The following CNTNAP4 variants were observed in gnomAD, a reference collection of about 807,000 sequenced individuals.
CNTNAP4 encodes the protein contactin-associated protein-like 4.
Under a neutral mutation model 148.4 loss-of-function variants are expected in CNTNAP4, and 98 were observed. The observed-to-expected ratio is 0.66, with a 90% CI of 0.56 to 0.78. The LOEUF is 0.78. Ranked by LOEUF, CNTNAP4 falls within the 30% of genes least tolerant of loss-of-function variation. The pLI, the probability that CNTNAP4 is intolerant of heterozygous loss-of-function variation, is 0.00. For synonymous variants in CNTNAP4, 730 were observed against 565.1 expected, an observed-to-expected ratio of 1.29 and a Z score of -4.14; for missense variants, 1,935 against 1,565.6, an observed-to-expected ratio of 1.24 and a Z score of -3.98.
At chr16:76,512,769 A>G (rs1373213549) in intron 15 of CNTNAP4, among the ~76,000 whole-genome samples, 1 of 152,176 alleles carries the variant, frequency 6.6e-6, no homozygotes, top group Non-Finnish European at 1.5e-5. Context: ...AGAGGAAGCA[A>G]GAAAGAAGAC....
chr16:76,402,367 T>A (rs896392009), intron 3 of CNTNAP4, among the ~76,000 whole-genome samples: 1 of 152,068 alleles, frequency 6.6e-6, no homozygotes, highest in Non-Finnish European at 1.5e-5. Flanking sequence ...TGGTGTTTTT[T>A]TTTTCTGTGA....
chr16:76,277,688 T>G lies in CNTNAP4; in HGVS notation c.26T>G (p.Leu9Arg). The change falls in exon 1 of 24, where the codon CTC becomes CGC. Residue 9 changes from leucine (L) to arginine (R), a missense_variant. Transcript: ENST00000611870. MGSVTGAV[L>R]KTLLLLSTQN... ...ATGGGATCTGTCACGGGAGCTGTCC[T>G]CAAGACGCTACTTCTGTTATCTACT... 6.2e-7 allele frequency: 1 copy of G among 1,606,068 alleles called. No homozygotes were observed. Among genetic ancestry groups the G allele is most frequent in the Non-Finnish European group, 8.5e-7 (1 of 1,175,970 alleles).
intron 10 of CNTNAP4, among the ~76,000 whole-genome samples, chr16:76,467,994 C>T (rs2081237252): frequency 1.3e-5 from 2 of 152,056 alleles, no homozygotes; most frequent in African/African-American, 4.8e-5. Flanking sequence ...CCTAATGTGC[C>T]TTTTTAACAA....
intron 15 of CNTNAP4, among the ~76,000 whole-genome samples, chr16:76,500,146 G>GC (rs920605252): frequency 4.6e-5 from 7 of 152,004 alleles, no homozygotes; most frequent in Admixed American, 2.0e-4. Context: ...GGGCAGAGGT[G>GC]CCCCCCACCT....
At chr16:76,313,387 C>T (rs1051814613) in intron 1 of CNTNAP4, among the ~76,000 whole-genome samples, 3 of 152,116 alleles carry the variant, frequency 2.0e-5, no homozygotes, top group South Asian at 4.1e-4. Context: ...CCCACATGTG[C>T]GCCCTCCTTC....
intron 2 of CNTNAP4, among the ~76,000 whole-genome samples, chr16:76,328,297 C>T (rs13333703): frequency 0.28 from 41,889 of 151,936 alleles, 6,456 homozygotes; most frequent in Non-Finnish European, 0.35. Context: ...TGTGGTCCTG[C>T]TCTCAAAAAC....
intron 3 of CNTNAP4, among the ~76,000 whole-genome samples, chr16:76,393,814 C>T (rs954559766): frequency 2.0e-5 from 3 of 152,122 alleles, no homozygotes; most frequent in Non-Finnish European, 1.5e-5. Context: ...TAGAGGTCCT[C>T]GATGTCTCTT....
intron 8 of CNTNAP4, among the ~76,000 whole-genome samples, chr16:76,453,221 T>C (rs1161083353): frequency 6.6e-6 from 1 of 152,212 alleles, no homozygotes; most frequent in Non-Finnish European, 1.5e-5. Flanking sequence ...TGTATGAGTG[T>C]ACAGTGTGAA....
chr16:76,380,766 T>A (rs2144695702), intron 3 of CNTNAP4, among the ~76,000 whole-genome samples: 1 of 152,272 alleles, frequency 6.6e-6, no homozygotes, highest in East Asian at 1.9e-4. Context: ...CATAAATATT[T>A]AAAGGTTGTG....
At chr16:76,342,724 G>A (rs545521702) in intron 2 of CNTNAP4, among the ~76,000 whole-genome samples, 7 of 151,962 alleles carry the variant, frequency 4.6e-5, no homozygotes, top group South Asian at 2.1e-4. Context: ...TGCCCACCTC[G>A]GCATAAATTG....
intron 1 of CNTNAP4, among the ~76,000 whole-genome samples, chr16:76,288,812 G>GAGA (rs1192193112): frequency 6.6e-6 from 1 of 152,152 alleles, no homozygotes; most frequent in East Asian, 1.9e-4. Flanking sequence ...ACCAAAAACA[G>GAGA]AGAAGATGAA....
intron 12 of CNTNAP4, among the ~76,000 whole-genome samples, chr16:76,485,771 G>GATA (rs905674024): frequency 1.3e-5 from 2 of 152,166 alleles, no homozygotes; most frequent in African/African-American, 4.8e-5. Flanking sequence ...TTTTACTTTA[G>GATA]AGATTTCAAT....
chr16:76,302,331 T>C (rs555441850), intron 1 of CNTNAP4, among the ~76,000 whole-genome samples: 4 of 152,276 alleles, frequency 2.6e-5, no homozygotes, highest in African/African-American at 9.6e-5. Context: ...TATGATCTCA[T>C]CTAAGGCTTG....
chr16:76,502,822 A>C (rs2082705454), intron 15 of CNTNAP4, among the ~76,000 whole-genome samples: 1 of 152,098 alleles, frequency 6.6e-6, no homozygotes, highest in Non-Finnish European at 1.5e-5. Flanking sequence ...CAGAAAAAAA[A>C]GTGAGAATGA....
chr16:76,430,266 C>CATGA (rs1378104455), intron 4 of CNTNAP4, among the ~76,000 whole-genome samples: 1 of 152,096 alleles, frequency 6.6e-6, no homozygotes, highest in African/African-American at 2.4e-5. Flanking sequence ...GAAGCAGGCA[C>CATGA]ATGAATATTG....
intron 3 of CNTNAP4, among the ~76,000 whole-genome samples, chr16:76,418,901 C>T (rs1050298199): frequency 9.9e-5 from 15 of 152,058 alleles, no homozygotes; most frequent in Non-Finnish European, 1.8e-4. Flanking sequence ...CTATAGGTAC[C>T]AGATGCTTCC....
chr16:76,437,039 A>G (rs754824516), intron 4 of CNTNAP4, among the ~76,000 whole-genome samples: 2 of 151,646 alleles, frequency 1.3e-5, no homozygotes, highest in African/African-American at 4.9e-5. Context: ...ACAAGGTCCT[A>G]CAATAGGCCA....
intron 18 of CNTNAP4, among the ~76,000 whole-genome samples, chr16:76,536,355 C>A (rs560761435): frequency 3.4e-4 from 51 of 152,044 alleles, no homozygotes; most frequent in African/African-American, 1.1e-3. Flanking sequence ...ACCACTATGC[C>A]CAGCTAATTG....
At chr16:76,512,715 A>G (rs533567103) in intron 15 of CNTNAP4, among the ~76,000 whole-genome samples, 65 of 152,300 alleles carry the variant, frequency 4.3e-4, no homozygotes, top group African/African-American at 1.5e-3. Flanking sequence ...AGAAATAACA[A>G]CAGGGCTTTG....
Sources: allele counts gnomAD v4.1 joint callset (sites outside exome capture counted in the v4.1 genomes callset), GRCh38; gene constraint gnomAD v4.1.1; transcripts MANE v1.5; gene names NCBI Gene and HGNC (gene_info 2026-07-23, HGNC 2026-07-21).